The following TSGA10 variants were observed in gnomAD, a reference collection of about 807,000 sequenced individuals.
TSGA10 encodes the protein testis specific 10.
A neutral mutation model predicts 96.6 loss-of-function variants in TSGA10; 43 were observed. The observed-to-expected ratio is 0.44, with a 90% CI of 0.35 to 0.57. The LOEUF is 0.57. Among genes scored for constraint, TSGA10 ranks in the 20% least tolerant of loss-of-function variants. The probability of loss-of-function intolerance (pLI) is 0.01; values close to 1 mark genes in which losing one functional copy is unlikely to be tolerated. For synonymous variants in TSGA10, 229 were observed against 269.9 expected, an observed-to-expected ratio of 0.85 and a Z score of 1.48; for missense variants, 703 against 834.4, an observed-to-expected ratio of 0.84 and a Z score of 1.94.
chr2:99,016,056 T>C (rs991157786), intron 20 of TSGA10, among the ~76,000 whole-genome samples: 2 of 152,076 alleles, frequency 1.3e-5, no homozygotes, highest in African/African-American at 4.8e-5. Flanking sequence ...AGAATCAATA[T>C]TGTAAAAATG....
intron 1 of TSGA10, among the ~76,000 whole-genome samples, chr2:99,140,584 A>G (rs1186420286): frequency 2.0e-5 from 3 of 152,154 alleles, no homozygotes; most frequent in Admixed American, 2.0e-4. Context: ...TTTTCAACAA[A>G]AGCCAGCTTT....
chr2:99,060,860 C>T (rs1423115758), intron 16 of TSGA10, among the ~76,000 whole-genome samples: 1 of 152,058 alleles, frequency 6.6e-6, no homozygotes, highest in African/African-American at 2.4e-5. Flanking sequence ...GTGCTGGATA[C>T]CTTCATATCT....
rs1333981653 is a variant in TSGA10, at chr2:99,125,855, T to C, written c.-492+1193A>G. On this transcript the variant is annotated intron_variant, in intron 2 of 20. Transcript: ENST00000393483. ...TGGGAAGAATCCCAGAGGTGCCTCA[T>C]TACAGTTCCCTACGTGTCCCCCACT... The C allele has an allele frequency of 3.9e-5, 6 of 152,228 alleles. No individual in the cohort carries two copies. In the East Asian group the frequency reaches 1.2e-3, roughly 29 times the overall value. 9.4% of individuals were successfully genotyped at this position (152,228 alleles called of 1,614,324 possible).
At chr2:99,020,808 T>A (rs1265514201) in intron 17 of TSGA10, among the ~76,000 whole-genome samples, 2 of 152,056 alleles carry the variant, frequency 1.3e-5, no homozygotes, top group Non-Finnish European at 2.9e-5. Flanking sequence ...CTGTGAGCAC[T>A]GCTTTGTCCT....
intron 16 of TSGA10, among the ~76,000 whole-genome samples, chr2:99,041,479 T>C (rs1016249154): frequency 6.6e-6 from 1 of 152,032 alleles, no homozygotes; most frequent in Non-Finnish European, 1.5e-5. Flanking sequence ...GGTATAAAAA[T>C]AGGCACATAG....
chr2:99,092,357 A>G (rs1248674097), intron 10 of TSGA10, among the ~76,000 whole-genome samples: 2 of 152,156 alleles, frequency 1.3e-5, no homozygotes, highest in Non-Finnish European at 2.9e-5. Context: ...AGACAATCTA[A>G]GGTCACACCT....
intron 16 of TSGA10, among the ~76,000 whole-genome samples, chr2:99,049,438 G>A (rs1035026152): frequency 1.3e-5 from 2 of 152,140 alleles, no homozygotes; most frequent in Admixed American, 6.6e-5. Flanking sequence ...CAGGGACATG[G>A]ATGAAGCTGA....
intron 10 of TSGA10, among the ~76,000 whole-genome samples, chr2:99,084,352 T>C (rs2087968119): frequency 6.6e-6 from 1 of 152,270 alleles, no homozygotes; most frequent in Middle Eastern, 3.4e-3. Context: ...CCCTCATGAA[T>C]GGTTTAACAC....
Position 99,105,647 on chromosome 2 carries a change from C to T in TSGA10, c.261G>A (p.Lys87=). 1 of 1,597,354 alleles carries T rather than the reference C, an allele frequency of 6.3e-7. No individual in the cohort carries two copies. The highest frequency in any genetic ancestry group is 8.6e-7 in the Non-Finnish European group (1 of 1,165,866). ...RLRREMMKSC[K]SPKSTTAHAI... Reference sequence around the variant, plus strand: ...CATGTGCCGTTGTTGATTTAGGACTCTTACAGCTTTTCATCATTTCTCGTC... The same window carrying T: ...CATGTGCCGTTGTTGATTTAGGACTTTTACAGCTTTTCATCATTTCTCGTC... The change falls in exon 8 of 21, where the codon AAG becomes AAA. Residue 87 remains lysine (K), a synonymous_variant. Coordinates refer to ENST00000393483, the MANE Select transcript of TSGA10 (RefSeq NM_025244.4).
intron 4 of TSGA10, among the ~76,000 whole-genome samples, chr2:99,114,395 C>T (rs997110356): frequency 1.3e-5 from 2 of 152,162 alleles, no homozygotes; most frequent in African/African-American, 4.8e-5. Context: ...ATTCACTTAA[C>T]TGAGGTTGGT....
chr2:99,022,663 A>G (rs2080152404), intron 17 of TSGA10, among the ~76,000 whole-genome samples: 1 of 152,186 alleles, frequency 6.6e-6, no homozygotes, highest in Non-Finnish European at 1.5e-5. Context: ...TTTGTATACA[A>G]GTTTTTGTAT....
chr2:98,998,333 CATTTCTATGAAGGAAAACA>C, intron 20 of TSGA10, 112 bp from the exon 21 acceptor site: 1 of 858,126 alleles, frequency 1.2e-6, no homozygotes, highest in Non-Finnish European at 1.8e-6. Flanking sequence ...GATTTTTCTT[CATTTCTATGAAGGAAAACA>C]AAAAACAATA....
chr2:99,082,094 G>C (rs1041365067), intron 10 of TSGA10, among the ~76,000 whole-genome samples: 4 of 152,334 alleles, frequency 2.6e-5, no homozygotes, highest in African/African-American at 9.6e-5. Context: ...ACCTGTGTAA[G>C]CAGACCCTCA....
chr2:99,007,451 G>C (rs904232826), intron 20 of TSGA10, among the ~76,000 whole-genome samples: 1 of 151,900 alleles, frequency 6.6e-6, no homozygotes, highest in African/African-American at 2.4e-5. Flanking sequence ...AAGAAAATAG[G>C]AGTGGCAACA....
rs763883931 is a variant in TSGA10, at chr2:99,127,101, G to A, written c.-545C>T. 4.7e-6 allele frequency: 6 copies of A among 1,289,452 alleles called. No individual in the cohort carries two copies. In the African/African-American group the frequency reaches 9.1e-5, roughly 20 times the overall value. 79.9% of individuals were successfully genotyped at this position (1,289,452 alleles called of 1,614,324 possible). On this transcript the variant is annotated 5_prime_UTR_variant, in exon 2 of 21. Coordinates refer to ENST00000393483, the MANE Select transcript of TSGA10 (RefSeq NM_025244.4). The stretch of plus-strand genomic sequence containing the variant: ...TCTTGGTTTCTCACTTCTTGTTCTA[G>A]CTGGAGAGTATTCTGGTAGTTTTCA...
Position 99,006,738 on chromosome 2 carries a change from G to A in TSGA10, c.2073-8517C>T, listed in dbSNP as rs1409318751. Reference sequence around the variant, plus strand: ...CAACCATTGTGGAAGTCAGTGTGGCGATTCCTCAGGGATCTAGAACTAGAA... The same window carrying A: ...CAACCATTGTGGAAGTCAGTGTGGCAATTCCTCAGGGATCTAGAACTAGAA... On this transcript the variant is annotated intron_variant, in intron 20 of 20. Coordinates refer to ENST00000393483, the MANE Select transcript of TSGA10 (RefSeq NM_025244.4). Among the ~76,000 whole-genome samples the A allele has an allele frequency of 1.6e-4, 24 of 152,170 alleles. 1 individual carries two copies. The highest frequency in any genetic ancestry group is 5.8e-4 in the East Asian group (3 of 5,194).
At chr2:99,137,145 C>T (rs1267400865) in intron 1 of TSGA10, among the ~76,000 whole-genome samples, 1 of 151,948 alleles carries the variant, frequency 6.6e-6, no homozygotes, top group African/African-American at 2.4e-5. Context: ...TTACAGGCAC[C>T]TGCCACCATG....
chr2:99,118,872 A>G (rs1200316788), intron 2 of TSGA10, 186 bp from the exon 3 acceptor site: 1 of 155,916 alleles, frequency 6.4e-6, no homozygotes, highest in Non-Finnish European at 1.4e-5. Context: ...TCATGGTACA[A>G]ATTCTTTTCC....
At chr2:99,008,875 G>A (rs1314930003) in intron 20 of TSGA10, among the ~76,000 whole-genome samples, 1 of 152,128 alleles carries the variant, frequency 6.6e-6, no homozygotes, top group Non-Finnish European at 1.5e-5. Context: ...GAATCAATAT[G>A]GAGAGATTTC....
Sources: gnomAD v4.1 joint callset for allele counts (sites outside exome capture counted in the v4.1 genomes callset) on GRCh38, gnomAD v4.1.1 for gene constraint, MANE v1.5 for transcripts, NCBI Gene and HGNC (gene_info 2026-07-23, HGNC 2026-07-21) for gene names.